MYO5B: variants seen among roughly 807,000 people sequenced by gnomAD.
MYO5B encodes the protein unconventional myosin-Vb.
Under a neutral mutation model 229.3 loss-of-function variants are expected in MYO5B, and 143 were observed. The observed-to-expected ratio is 0.62, with a 90% CI of 0.54 to 0.72. MYO5B has a LOEUF of 0.72. MYO5B is among the 30% of genes least tolerant of loss of function. The pLI is 0.00. For synonymous variants in MYO5B, 918 were observed against 885.2 expected (o/e 1.04, Z -0.66); for missense variants, 2,321 against 2,331.0 (o/e 1.00, Z 0.09).
chr18:49,902,210 G>C (rs531192600), intron 21 of MYO5B, among the ~76,000 whole-genome samples: 1 of 152,222 alleles, frequency 6.6e-6, no homozygotes, highest in African/African-American at 2.4e-5. Context: ...GCTTCTCAAG[G>C]CTGCCTGCAT....
intron 14 of MYO5B, among the ~76,000 whole-genome samples, chr18:49,949,707 A>C (rs2025412633): frequency 6.6e-6 from 1 of 152,242 alleles, no homozygotes; most frequent in Admixed American, 6.5e-5. Flanking sequence ...TTTAGGTAAA[A>C]TTATGAATTT....
chr18:50,010,412 C>CA (rs2026149342), intron 4 of MYO5B, among the ~76,000 whole-genome samples: 1 of 152,186 alleles, frequency 6.6e-6, no homozygotes. Context: ...GCAGACAGGC[C>CA]AGACAGAGGG....
intron 17 of MYO5B, among the ~76,000 whole-genome samples, chr18:49,922,463 G>A (rs1326485138): frequency 6.6e-6 from 1 of 152,150 alleles, no homozygotes; most frequent in Non-Finnish European, 1.5e-5. Context: ...GCTTGGTTGT[G>A]GTGAGAGGAA....
At chr18:50,033,628 T>C (rs1374446656) in intron 4 of MYO5B, among the ~76,000 whole-genome samples, 2 of 152,142 alleles carry the variant, frequency 1.3e-5, no homozygotes, top group South Asian at 4.2e-4. Flanking sequence ...AATGAGTGAG[T>C]GGGCCTTCTG....
At chr18:50,070,702 A>G (rs1039192084) in intron 1 of MYO5B, among the ~76,000 whole-genome samples, 7 of 148,564 alleles carry the variant, frequency 4.7e-5, no homozygotes, top group African/African-American at 1.8e-4. Flanking sequence ...TGTCCATGTC[A>G]TTTACAGGAT....
At chr18:49,928,227 CA>C (rs112955077) in intron 17 of MYO5B, among the ~76,000 whole-genome samples, 1 of 152,078 alleles carries the variant, frequency 6.6e-6, no homozygotes, top group Admixed American at 6.5e-5. Context: ...ACTGAAAAAT[CA>C]AAAAATAGAT....
At chr18:49,866,226 G>A (rs1462730622) in intron 27 of MYO5B, among the ~76,000 whole-genome samples, 1 of 151,608 alleles carries the variant, frequency 6.6e-6, no homozygotes, top group South Asian at 2.1e-4. Context: ...CCACCACCAC[G>A]CCTGGCTAAT....
intron 4 of MYO5B, among the ~76,000 whole-genome samples, chr18:50,014,240 A>G (rs571638128): frequency 4.5e-4 from 67 of 150,330 alleles, no homozygotes; most frequent in Non-Finnish European, 8.9e-5. Flanking sequence ...GTCTACATAA[A>G]AAAAGTCCCA....
At chr18:50,102,732 T>C (rs539445870) in intron 1 of MYO5B, among the ~76,000 whole-genome samples, 1 of 138,050 alleles carries the variant, frequency 7.2e-6, no homozygotes, top group East Asian at 2.1e-4. Context: ...AACCAATGAA[T>C]TAAAAAAAAA....
chr18:49,860,977 C>T (rs1039366676), intron 29 of MYO5B, among the ~76,000 whole-genome samples: 2 of 152,230 alleles, frequency 1.3e-5, no homozygotes, highest in African/African-American at 4.8e-5. Flanking sequence ...CCTCTCCTCC[C>T]TCAATGCTGG....
chr18:49,826,664 T>G (rs760148755), intron 39 of MYO5B, 41 bp from the exon 40 acceptor site: 2 of 1,609,524 alleles, frequency 1.2e-6, no homozygotes, highest in African/African-American at 2.7e-5. Context: ...TGAGTACCCC[T>G]AAAAATAGCC....
At chr18:49,889,679 C>T (rs1787305) in intron 22 of MYO5B, among the ~76,000 whole-genome samples, 88,048 of 151,828 alleles carry the variant, frequency 0.58, 25,655 homozygotes, top group Middle Eastern at 0.67. Context: ...CTTTGAGCAT[C>T]CTACACACAG....
chr18:50,006,012 T>C (rs139607025), intron 4 of MYO5B, among the ~76,000 whole-genome samples: 103 of 152,340 alleles, frequency 6.8e-4, no homozygotes, highest in African/African-American at 2.4e-3. Flanking sequence ...TCAGTCCCAG[T>C]GAGGTCATTT....
chr18:49,894,642 C>A (rs2144130325), intron 22 of MYO5B, among the ~76,000 whole-genome samples: 1 of 152,284 alleles, frequency 6.6e-6, no homozygotes, highest in African/African-American at 2.4e-5. Context: ...GGATGCGGGC[C>A]ACAGAGCCAG....
chr18:49,856,720 T>C, intron 30 of MYO5B, 93 bp downstream of exon 30: 1 of 1,062,842 alleles, frequency 9.4e-7, no homozygotes, highest in Non-Finnish European at 1.5e-6. Flanking sequence ...TTCCCCGTGC[T>C]CTCGCACCCA....
chr18:49,876,633 T>C (rs945726110), intron 25 of MYO5B, among the ~76,000 whole-genome samples: 2 of 152,220 alleles, frequency 1.3e-5, no homozygotes, highest in Admixed American at 6.5e-5. Flanking sequence ...TATGTCTACA[T>C]GTAGATAGTC....
chr18:50,068,062 C>CACAA (rs1555656017), intron 1 of MYO5B, among the ~76,000 whole-genome samples: 1 of 151,594 alleles, frequency 6.6e-6, no homozygotes, highest in East Asian at 1.9e-4. Flanking sequence ...CACACACACA[C>CACAA]AACACTTTTA....
At chr18:49,895,475 G>A (rs983516064) in intron 21 of MYO5B, among the ~76,000 whole-genome samples, 1 of 152,198 alleles carries the variant, frequency 6.6e-6, no homozygotes, top group African/African-American at 2.4e-5. Flanking sequence ...TGGCTGGGTG[G>A]ATCCTATACC....
intron 26 of MYO5B, among the ~76,000 whole-genome samples, chr18:49,874,551 A>AG (rs917736696): frequency 3.3e-5 from 5 of 152,186 alleles, no homozygotes; most frequent in African/African-American, 9.7e-5. Flanking sequence ...CTTACTGCTC[A>AG]GGGGGAAAAA....
Sources: gnomAD v4.1 joint callset for allele counts (sites outside exome capture counted in the v4.1 genomes callset) on GRCh38, gnomAD v4.1.1 for gene constraint, MANE v1.5 for transcripts, NCBI Gene and HGNC (gene_info 2026-07-23, HGNC 2026-07-21) for gene names.